PDZRN3: variants seen among roughly 807,000 people sequenced by gnomAD.
The protein encoded by PDZRN3 is E3 ubiquitin-protein ligase PDZRN3.
A neutral mutation model predicts 85.7 loss-of-function variants in PDZRN3; 38 were observed. The ratio of observed to expected loss-of-function variants is 0.44; its 90% CI spans 0.34 to 0.58. PDZRN3 has a LOEUF of 0.58. PDZRN3 is among the 20% of genes least tolerant of loss of function. PDZRN3 has a pLI of 0.01. For synonymous variants in PDZRN3, 759 were observed against 638.0 expected (o/e 1.19, Z -2.86); for missense variants, 1,629 against 1,506.4 (o/e 1.08, Z -1.35).
chr3:73,538,165 T>C (rs1704834388), intron 3 of PDZRN3, among the ~76,000 whole-genome samples: 1 of 152,222 alleles, frequency 6.6e-6, no homozygotes, highest in Non-Finnish European at 1.5e-5. Context: ...CACCCAATGA[T>C]ACATTCTACT....
intron 3 of PDZRN3, among the ~76,000 whole-genome samples, chr3:73,551,526 T>TA (rs1701553537): frequency 2.0e-5 from 3 of 151,634 alleles, no homozygotes; most frequent in South Asian, 2.1e-4. Context: ...CTACAAAAAA[T>TA]AAAAAAATTA....
intron 3 of PDZRN3, among the ~76,000 whole-genome samples, chr3:73,493,364 A>G (rs1010435214): frequency 1.3e-5 from 2 of 152,182 alleles, no homozygotes; most frequent in African/African-American, 2.4e-5. Flanking sequence ...CACAATACAC[A>G]TGACCTCACG....
chr3:73,454,635 C>T (rs994967592), intron 3 of PDZRN3, among the ~76,000 whole-genome samples: 12 of 152,092 alleles, frequency 7.9e-5, no homozygotes, highest in Admixed American at 6.5e-4. Flanking sequence ...TCTATAAATG[C>T]TAAGAGTGAC....
At position 73,593,715 on chromosome 3, in the gene PDZRN3, C is replaced by T. The variant is rs1418424425; in HGVS notation, c.918+8639G>A. On this transcript the variant is annotated intron_variant, in intron 3 of 9. Coordinates refer to ENST00000263666, the MANE Select transcript of PDZRN3 (RefSeq NM_015009.3). ...CTGTTTACCGAAATAAATATACACA[C>T]ACACACACACACACACACACACACA... Among the ~76,000 whole-genome samples, 158 of 95,278 alleles carry T rather than the reference C, an allele frequency of 1.7e-3. 1 individual carries two copies. The highest frequency in any genetic ancestry group is 2.9e-3 in the South Asian group (7 of 2,422). 62.5% of individuals were successfully genotyped at this position (95,278 alleles called of 152,430 possible).
intron 3 of PDZRN3, among the ~76,000 whole-genome samples, chr3:73,416,892 T>TTTTTTTG (rs1702100551): frequency 8.0e-6 from 1 of 124,990 alleles, no homozygotes; most frequent in African/African-American, 3.1e-5. Context: ...TTTTTTTTTT[T>TTTTTTTG]TTTTTTTTTT....
At chr3:73,586,367 G>A (rs937119974) in intron 3 of PDZRN3, among the ~76,000 whole-genome samples, 3 of 152,192 alleles carry the variant, frequency 2.0e-5, no homozygotes, top group Non-Finnish European at 2.9e-5. Flanking sequence ...CACCTGCCCT[G>A]AATACTTCTA....
intron 3 of PDZRN3, among the ~76,000 whole-genome samples, chr3:73,476,813 G>A (rs912645061): frequency 6.6e-6 from 1 of 152,152 alleles, no homozygotes; most frequent in African/African-American, 2.4e-5. Context: ...CCCTGTGAGT[G>A]AGCCGTCATG....
chr3:73,536,097 G>A (rs997693048), intron 3 of PDZRN3, among the ~76,000 whole-genome samples: 6 of 152,210 alleles, frequency 3.9e-5, no homozygotes, highest in African/African-American at 1.4e-4. Flanking sequence ...TCTTTAGAAT[G>A]TAACCTTTGC....
At chr3:73,598,441 G>T (rs940568453) in intron 3 of PDZRN3, among the ~76,000 whole-genome samples, 14 of 152,140 alleles carry the variant, frequency 9.2e-5, no homozygotes, top group African/African-American at 3.1e-4. Flanking sequence ...GTTGTAAAAA[G>T]GACCAGGACA....
chr3:73,590,666 AATG>A (rs1389446351), intron 3 of PDZRN3, among the ~76,000 whole-genome samples: 10 of 152,240 alleles, frequency 6.6e-5, no homozygotes, highest in African/African-American at 4.8e-5. Context: ...TTTCAATAAA[AATG>A]ATGAAATATT....
chr3:73,444,297 GCTCTGCCAGAGGATTT>G (rs1291391155), intron 3 of PDZRN3, among the ~76,000 whole-genome samples: 1 of 152,196 alleles, frequency 6.6e-6, no homozygotes, highest in East Asian at 1.9e-4. Context: ...GCTCCCAGGT[GCTCTGCCAGAGGATTT>G]GCTGCCATCT....
At chr3:73,445,752 T>C (rs1423491411) in intron 3 of PDZRN3, among the ~76,000 whole-genome samples, 1 of 152,170 alleles carries the variant, frequency 6.6e-6, no homozygotes, top group African/African-American at 2.4e-5. Context: ...TTAAAACTGA[T>C]ATATATGTGT....
At chr3:73,525,856 C>A (rs1282486352) in intron 3 of PDZRN3, among the ~76,000 whole-genome samples, 1 of 152,214 alleles carries the variant, frequency 6.6e-6, no homozygotes, top group Non-Finnish European at 1.5e-5. Context: ...CACTCTGTCC[C>A]TTTCCTTCAT....
intron 3 of PDZRN3, among the ~76,000 whole-genome samples, chr3:73,443,184 C>T (rs1702675381): frequency 6.6e-6 from 1 of 152,218 alleles, no homozygotes; most frequent in Non-Finnish European, 1.5e-5. Context: ...ATGAGCCAGA[C>T]ACTGTTGTTT....
chr3:73,612,966 G>A (rs1399950157), intron 1 of PDZRN3, among the ~76,000 whole-genome samples: 1 of 152,188 alleles, frequency 6.6e-6, no homozygotes, highest in African/African-American at 2.4e-5. Context: ...CAACACCGAG[G>A]TCATGATGCT....
At chr3:73,518,297 T>C (rs1232879960) in intron 3 of PDZRN3, among the ~76,000 whole-genome samples, 1 of 151,808 alleles carries the variant, frequency 6.6e-6, no homozygotes, top group Admixed American at 6.6e-5. Flanking sequence ...GTATCTAGAG[T>C]AGTCAAATTC....
At chr3:73,580,326 C>T (rs1216508817) in intron 3 of PDZRN3, among the ~76,000 whole-genome samples, 2 of 152,190 alleles carry the variant, frequency 1.3e-5, no homozygotes, top group African/African-American at 2.4e-5. Flanking sequence ...TAACTTTCCT[C>T]AGATCCTTAT....
At chr3:73,419,486 T>C (rs1289266259) in intron 3 of PDZRN3, among the ~76,000 whole-genome samples, 1 of 152,202 alleles carries the variant, frequency 6.6e-6, no homozygotes, top group Non-Finnish European at 1.5e-5. Flanking sequence ...ACGGATCCCC[T>C]GCACACGCAA....
chr3:73,548,855 T>A (rs754817309), intron 3 of PDZRN3, among the ~76,000 whole-genome samples: 1 of 151,884 alleles, frequency 6.6e-6, no homozygotes, highest in Non-Finnish European at 1.5e-5. Context: ...GGTGAAGACA[T>A]AAGGAAAAAT....
Sources: allele counts gnomAD v4.1 joint callset (sites outside exome capture counted in the v4.1 genomes callset), GRCh38; gene constraint gnomAD v4.1.1; transcripts MANE v1.5; gene names NCBI Gene and HGNC (gene_info 2026-07-23, HGNC 2026-07-21).